PTPRD: variants seen among roughly 807,000 people sequenced by gnomAD.
PTPRD encodes protein tyrosine phosphatase receptor type D.
PTPRD carries 34 observed loss-of-function variants against 214.5 expected under a neutral mutation model. That is an observed-to-expected ratio of 0.16 (90% confidence interval 0.12 to 0.21). The LOEUF (loss-of-function observed/expected upper bound fraction) is 0.21, where lower values mean the gene tolerates loss of function less well. Among genes scored for constraint, PTPRD ranks in the 10% least tolerant of loss-of-function variants. The pLI, the probability that PTPRD is intolerant of heterozygous loss-of-function variation, is 1.00. For missense variants in PTPRD, 2,545 were observed against 2,398.7 expected (o/e 1.06, Z -1.27); for synonymous variants, 1,128 against 845.7 (o/e 1.33, Z -5.79).
intron 2 of PTPRD, among the ~76,000 whole-genome samples, chr9:10,349,208 C>T (rs2097141180): frequency 7.2e-6 from 1 of 138,500 alleles, no homozygotes. Flanking sequence ...AAATTTGAAG[C>T]CCTCAAAATC....
At chr9:8,329,722 G>A (rs565839697) in intron 44 of PTPRD, among the ~76,000 whole-genome samples, 1 of 152,236 alleles carries the variant, frequency 6.6e-6, no homozygotes, top group South Asian at 2.1e-4. Context: ...CCTGCCCAGG[G>A]AGGAGTAATC....
chr9:8,842,241 T>C (rs1193735517), intron 11 of PTPRD, among the ~76,000 whole-genome samples: 1 of 152,172 alleles, frequency 6.6e-6, no homozygotes, highest in African/African-American at 2.4e-5. Flanking sequence ...GAAACAATTT[T>C]CTCAAGTTCT....
chr9:8,751,793 A>G (rs940858007), intron 11 of PTPRD, among the ~76,000 whole-genome samples: 29 of 152,228 alleles, frequency 1.9e-4, no homozygotes, highest in African/African-American at 6.8e-4. Context: ...ATTTGAGACT[A>G]CCAGTATTTA....
intron 3 of PTPRD, among the ~76,000 whole-genome samples, chr9:10,333,811 G>C (rs1185832312): frequency 1.3e-5 from 2 of 151,730 alleles, no homozygotes; most frequent in East Asian, 3.9e-4. Flanking sequence ...TAGGTCTCTA[G>C]GATTGTTGTG....
chr9:8,715,285 TCACACAA>T (rs1193608005), intron 12 of PTPRD, among the ~76,000 whole-genome samples: 2 of 152,138 alleles, frequency 1.3e-5, no homozygotes, highest in African/African-American at 4.8e-5. Flanking sequence ...CAGTTAATTC[TCACACAA>T]CACATAACAA....
At chr9:9,723,091 T>A (rs536730745) in intron 7 of PTPRD, among the ~76,000 whole-genome samples, 16 of 152,074 alleles carry the variant, frequency 1.1e-4, no homozygotes, top group Admixed American at 4.6e-4. Flanking sequence ...TAAGAACCAC[T>A]GTGTAACACA....
At chr9:9,475,026 T>C (rs940696384) in intron 8 of PTPRD, among the ~76,000 whole-genome samples, 1 of 152,182 alleles carries the variant, frequency 6.6e-6, no homozygotes, top group African/African-American at 2.4e-5. Flanking sequence ...AAGTACAGGC[T>C]TTTAAAAATA....
rs532603282 is a variant in PTPRD, at chr9:9,831,592, A to G, written c.-367-64741T>C. 4.6e-5 allele frequency among the ~76,000 whole-genome samples: 7 copies of G among 152,078 alleles called. No individual in the cohort carries two copies. The East Asian group carries it at 1.4e-3, about 29-fold the overall frequency. On this transcript the variant is annotated intron_variant, in intron 5 of 45. Transcript: ENST00000381196. ...TCCTGTAGGAGTTGACTTGCAACAG[A>G]AAGTCAGTAATCCACATGCTTGCTA...
chr9:9,425,995 G>T (rs549782330), intron 8 of PTPRD, among the ~76,000 whole-genome samples: 2 of 152,230 alleles, frequency 1.3e-5, no homozygotes, highest in Admixed American at 1.3e-4. Flanking sequence ...ACAGAAGATG[G>T]GTGATTTCTG....
chr9:8,647,846 AT>A (rs148333107), intron 12 of PTPRD, among the ~76,000 whole-genome samples: 1,650 of 152,338 alleles, frequency 0.011, 36 homozygotes, highest in African/African-American at 0.037. Flanking sequence ...AATTGCAAAC[AT>A]TTGGCACAAT....
intron 2 of PTPRD, among the ~76,000 whole-genome samples, chr9:10,563,945 T>C (rs1566953808): frequency 6.6e-6 from 1 of 151,824 alleles, no homozygotes; most frequent in Non-Finnish European, 1.5e-5. Context: ...AGACATACTC[T>C]ACAGCCCACT....
At position 9,481,696 on chromosome 9, in the gene PTPRD, G is replaced by A. The variant is rs945981237; in HGVS notation, c.-236-84214C>T. Among the ~76,000 whole-genome samples the A allele has an allele frequency of 4.0e-5, 6 of 151,816 alleles. No individual in the cohort carries two copies. In the East Asian group the frequency reaches 7.7e-4, roughly 20 times the overall value. On this transcript the variant is annotated intron_variant, in intron 8 of 45. Transcript: ENST00000381196. The stretch of plus-strand genomic sequence containing the variant: ...GTCCATGAAGGCGAAAATGCCTAGA[G>A]CTCGCAAATGTCATATTGCAGTGCT...
intron 3 of PTPRD, among the ~76,000 whole-genome samples, chr9:10,211,217 G>C (rs1202566000): frequency 6.6e-6 from 1 of 151,980 alleles, no homozygotes; most frequent in Non-Finnish European, 1.5e-5. Flanking sequence ...GAAGTTCATA[G>C]CAACAGAAAT....
intron 7 of PTPRD, among the ~76,000 whole-genome samples, chr9:9,581,911 G>A (rs1411313344): frequency 6.6e-6 from 1 of 152,076 alleles, no homozygotes; most frequent in African/African-American, 2.4e-5. Context: ...ACTATAATGT[G>A]AGGTTAAAGT....
intron 3 of PTPRD, among the ~76,000 whole-genome samples, chr9:10,230,758 C>T (rs1413971450): frequency 2.0e-5 from 3 of 151,966 alleles, no homozygotes; most frequent in African/African-American, 7.2e-5. Flanking sequence ...ATTATGTGTA[C>T]CAACCTATAA....
At chr9:9,450,318 T>C in intron 8 of PTPRD, among the ~76,000 whole-genome samples, 1 of 152,028 alleles carries the variant, frequency 6.6e-6, no homozygotes, top group East Asian at 1.9e-4. Context: ...GTAGTTCTAC[T>C]TTTATTTCTT....
intron 2 of PTPRD, among the ~76,000 whole-genome samples, chr9:10,460,348 G>A (rs1297632288): frequency 6.6e-6 from 1 of 151,184 alleles, no homozygotes; most frequent in African/African-American, 2.4e-5. Flanking sequence ...CAAAATCCCA[G>A]TGGCATTATT....
chr9:8,338,563 C>G (rs989566934), intron 43 of PTPRD, among the ~76,000 whole-genome samples: 3 of 152,014 alleles, frequency 2.0e-5, no homozygotes, highest in African/African-American at 7.2e-5. Context: ...TTTAGAGCCT[C>G]AAGTAATGAA....
chr9:9,406,837 T>C (rs2073609632), intron 8 of PTPRD, among the ~76,000 whole-genome samples: 3 of 75,938 alleles, frequency 4.0e-5, no homozygotes, highest in Admixed American at 3.2e-4. Flanking sequence ...ATATGAACTC[T>C]TTCTTCTTTC....
Sources: gnomAD v4.1 joint callset for allele counts (sites outside exome capture counted in the v4.1 genomes callset) on GRCh38, gnomAD v4.1.1 for gene constraint, MANE v1.5 for transcripts, NCBI Gene and HGNC (gene_info 2026-07-23, HGNC 2026-07-21) for gene names.